Variants in ZFHX3 observed in about 807,000 individuals in gnomAD.
The protein encoded by ZFHX3 is zinc finger homeobox protein 3.
In ZFHX3, 42 loss-of-function variants were observed where a neutral mutation model predicts 279.1. That is an observed-to-expected ratio of 0.15 (90% CI 0.12 to 0.19). The LOEUF is 0.19. Ranked by LOEUF, ZFHX3 falls within the 10% of genes least tolerant of loss-of-function variation. The probability of loss-of-function intolerance (pLI) is 1.00; values close to 1 mark genes in which losing one functional copy is unlikely to be tolerated. For missense variants in ZFHX3, 4,981 were observed against 4,754.0 expected (o/e 1.05, Z -1.40); for synonymous variants, 2,293 against 1,957.8 (o/e 1.17, Z -4.52).
chr16:72,882,980 GTGTGTGTGT>G (rs1567563231), intron 4 of ZFHX3, among the ~76,000 whole-genome samples: 1,426 of 35,452 alleles, frequency 0.04, 51 homozygotes, highest in Middle Eastern at 0.1. Flanking sequence ...ACTCTGGGGT[GTGTGTGTGT>G]GTGTGTGTGT....
chr16:73,191,492 C>G (rs540044042), intron 5 of ZFHX3, among the ~76,000 whole-genome samples: 1 of 152,156 alleles, frequency 6.6e-6, no homozygotes. Context: ...AAACCCTCAT[C>G]AAGTCATTTG....
intron 2 of ZFHX3, among the ~76,000 whole-genome samples, chr16:73,585,953 A>C (rs937165429): frequency 1.3e-5 from 2 of 152,224 alleles, no homozygotes; most frequent in African/African-American, 4.8e-5. Context: ...ACTAATCCAA[A>C]AGAAGGTAAG....
At chr16:73,728,488 G>C (rs2053540905) in intron 1 of ZFHX3, among the ~76,000 whole-genome samples, 1 of 152,224 alleles carries the variant, frequency 6.6e-6, no homozygotes, top group Non-Finnish European at 1.5e-5. Context: ...CTATTGGACA[G>C]TGCTGTTTGC....
intron 1 of ZFHX3, among the ~76,000 whole-genome samples, chr16:73,010,137 C>A (rs1424224791): frequency 2.0e-5 from 3 of 152,120 alleles, no homozygotes; most frequent in Non-Finnish European, 4.4e-5. Flanking sequence ...GCTCCCACCA[C>A]AGAGCAAGGC....
rs561302242 is a variant in ZFHX3, at chr16:73,268,639, G to A, written c.-1193-11503C>T. On this transcript the variant is annotated intron_variant, in intron 4 of 17. Coordinates refer to the ZFHX3 transcript ENST00000641206. ...GCTAATTCAGAAGAATAAGCCTGTC[G>A]CAACTCCGCCAAGAATTACAGCTAA... Among the ~76,000 whole-genome samples, 82 of 152,310 alleles carry A rather than the reference G, an allele frequency of 5.4e-4. No individual in the cohort carries two copies. The Middle Eastern group carries it at 0.01, about 19-fold the overall frequency.
At chr16:73,427,682 T>C (rs1447819606) in intron 3 of ZFHX3, among the ~76,000 whole-genome samples, 1 of 151,908 alleles carries the variant, frequency 6.6e-6, no homozygotes, top group Non-Finnish European at 1.5e-5. Context: ...ATGCTTGTAA[T>C]CCTAGCACTT....
intron 1 of ZFHX3, among the ~76,000 whole-genome samples, chr16:73,034,001 G>C (rs1964806863): frequency 6.6e-6 from 1 of 151,942 alleles, no homozygotes; most frequent in African/African-American, 2.4e-5. Context: ...AGTTCTCCTT[G>C]CTATTTCACT....
intron 7 of ZFHX3, among the ~76,000 whole-genome samples, chr16:73,104,215 T>TTATATGTATGTATGTA (rs1567389387): frequency 1.0e-4 from 9 of 87,628 alleles, no homozygotes; most frequent in African/African-American, 4.6e-4. Flanking sequence ...TATGGATTTA[T>TTATATGTATGTATGTA]TTTATGTATT....
chr16:72,993,039 G>C (rs958414977), intron 1 of ZFHX3, among the ~76,000 whole-genome samples: 6 of 152,250 alleles, frequency 3.9e-5, no homozygotes, highest in Admixed American at 2.6e-4. Context: ...CCCAGGCTGA[G>C]GCAGGAGAAT....
chr16:73,258,242 C>T (rs1250862938), intron 4 of ZFHX3, among the ~76,000 whole-genome samples: 10 of 151,892 alleles, frequency 6.6e-5, no homozygotes, highest in Non-Finnish European at 1.2e-4. Flanking sequence ...GGGAATCATC[C>T]AATATCACAC....
chr16:73,408,284 G>A (rs959859912), intron 3 of ZFHX3, among the ~76,000 whole-genome samples: 6 of 152,112 alleles, frequency 3.9e-5, no homozygotes, highest in East Asian at 1.9e-4. Flanking sequence ...AAATGATCTT[G>A]GAGCAGAATC....
intron 5 of ZFHX3, among the ~76,000 whole-genome samples, chr16:73,212,662 T>A (rs1292461749): frequency 2.0e-5 from 3 of 152,258 alleles, no homozygotes; most frequent in Non-Finnish European, 2.9e-5. Flanking sequence ...CACCTGGAGC[T>A]GTGAGCTGTC....
chr16:73,288,945 CT>C (rs1440718148), intron 4 of ZFHX3, among the ~76,000 whole-genome samples: 1 of 149,402 alleles, frequency 6.7e-6, no homozygotes, highest in East Asian at 2.0e-4. Flanking sequence ...AAAAAAAACC[CT>C]CTTTGTCTCT....
intron 2 of ZFHX3, among the ~76,000 whole-genome samples, chr16:73,631,267 C>G (rs2052466179): frequency 6.6e-6 from 1 of 152,194 alleles, no homozygotes; most frequent in Non-Finnish European, 1.5e-5. Flanking sequence ...ATATTAATTC[C>G]TCCTCCAGAT....
chr16:73,575,842 T>G (rs951970246), intron 2 of ZFHX3, among the ~76,000 whole-genome samples: 1 of 152,156 alleles, frequency 6.6e-6, no homozygotes, highest in Admixed American at 6.5e-5. Flanking sequence ...TGGAGATGCT[T>G]TGTGCCATTC....
At chr16:73,145,823 A>T (rs972181510) in intron 5 of ZFHX3, among the ~76,000 whole-genome samples, 2 of 152,242 alleles carry the variant, frequency 1.3e-5, no homozygotes, top group South Asian at 2.1e-4. Flanking sequence ...TCCAGAATGA[A>T]TTGAAAAATA....
intron 2 of ZFHX3, among the ~76,000 whole-genome samples, chr16:73,501,481 G>A (rs919650729): frequency 1.3e-5 from 2 of 152,158 alleles, no homozygotes; most frequent in Admixed American, 6.5e-5. Context: ...TTAACCAGTA[G>A]CCTCCCTCCC....
At chr16:72,899,495 A>G (rs946460757) in intron 3 of ZFHX3, among the ~76,000 whole-genome samples, 1 of 152,184 alleles carries the variant, frequency 6.6e-6, no homozygotes, top group Non-Finnish European at 1.5e-5. Flanking sequence ...TCCTTTAAAA[A>G]TCACCCAGTC....
At chr16:73,460,794 G>T (rs746911690) in intron 2 of ZFHX3, among the ~76,000 whole-genome samples, 1 of 152,242 alleles carries the variant, frequency 6.6e-6, no homozygotes, top group Middle Eastern at 3.4e-3. Context: ...GTTCTCGTGA[G>T]ATCTGGCCAT....
Sources: allele counts gnomAD v4.1 joint callset (sites outside exome capture counted in the v4.1 genomes callset), GRCh38; gene constraint gnomAD v4.1.1; transcripts MANE v1.5; gene names NCBI Gene and HGNC (gene_info 2026-07-23, HGNC 2026-07-21).